PLCG2: variants seen among roughly 807,000 people sequenced by gnomAD.
PLCG2 encodes phospholipase C gamma 2.
PLCG2 carries 69 observed loss-of-function variants against 175.6 expected under a neutral mutation model. That is an observed-to-expected ratio of 0.39 (90% CI 0.32 to 0.48). The LOEUF (loss-of-function observed/expected upper bound fraction) is 0.48, where lower values mean the gene tolerates loss of function less well. PLCG2 is among the 20% of genes least tolerant of loss of function. The pLI is 0.91. For missense variants in PLCG2, 1,798 were observed against 1,650.9 expected, an observed-to-expected ratio of 1.09 and a Z score of -1.54; for synonymous variants, 827 against 624.0, an observed-to-expected ratio of 1.33 and a Z score of -4.85.
intron 2 of PLCG2, among the ~76,000 whole-genome samples, chr16:81,787,633 A>G (rs1911040118): frequency 6.6e-6 from 1 of 151,252 alleles, no homozygotes; most frequent in Non-Finnish European, 1.5e-5. Context: ...TGGTGGTTTT[A>G]GTATATTTAT....
At chr16:81,838,675 A>G (rs971458844) in intron 2 of PLCG2, among the ~76,000 whole-genome samples, 2 of 152,004 alleles carry the variant, frequency 1.3e-5, no homozygotes, top group Non-Finnish European at 2.9e-5. Flanking sequence ...TTTAAAACCT[A>G]GATGATGGGT....
Position 81,741,662 on chromosome 16 carries a change from G to T in PLCG2, c.-145+2277G>T, listed in dbSNP as rs145134016. ...CTGTCTCTACGAAAAATACAAAAATGAACTTGGTGTGGTGGTGCAAGCCTG... is the reference window on the plus strand; with the variant it reads ...CTGTCTCTACGAAAAATACAAAAATTAACTTGGTGTGGTGGTGCAAGCCTG... On this transcript the variant is annotated intron_variant, in intron 1 of 5. Transcript: ENST00000565054. Among the ~76,000 whole-genome samples, 1,116 of 152,174 alleles carry T rather than the reference G, an allele frequency of 7.3e-3. 11 individuals are homozygous for T. The highest frequency in any genetic ancestry group is 0.012 in the Non-Finnish European group (807 of 68,002).
chr16:81,869,173 A>T, intron 5 of PLCG2, 41 bp from the exon 6 acceptor site: 1 of 1,514,164 alleles, frequency 6.6e-7, no homozygotes, highest in Non-Finnish European at 9.2e-7. Flanking sequence ...GTGCTGTTGA[A>T]AACCCTCAAG....
intron 19 of PLCG2, among the ~76,000 whole-genome samples, chr16:81,913,555 A>G (rs920636377): frequency 2.8e-4 from 42 of 152,382 alleles, no homozygotes; most frequent in South Asian, 1.0e-3. Context: ...CTCTAGCCAG[A>G]GGCCTGGGGG....
At chr16:81,844,295 C>A (rs914143510) in intron 2 of PLCG2, among the ~76,000 whole-genome samples, 1 of 150,350 alleles carries the variant, frequency 6.7e-6, no homozygotes, top group African/African-American at 2.4e-5. Flanking sequence ...GCCCGGGCAC[C>A]TTTTCATTTT....
intron 1 of PLCG2, among the ~76,000 whole-genome samples, chr16:81,780,344 C>T (rs1472557786): frequency 6.6e-6 from 1 of 152,196 alleles, no homozygotes. Flanking sequence ...TATTGCTGTT[C>T]CACGAGGTTC....
chr16:81,812,461 C>T (rs78083744), intron 2 of PLCG2, among the ~76,000 whole-genome samples: 151,650 of 152,382 alleles, frequency 1, 75,462 homozygotes, highest in South Asian at 1. Flanking sequence ...TTTTTTCCTA[C>T]GTTTCTTGGC....
At chr16:81,780,511 C>G (rs1187287888) in intron 1 of PLCG2, among the ~76,000 whole-genome samples, 1 of 152,204 alleles carries the variant, frequency 6.6e-6, no homozygotes, top group Non-Finnish European at 1.5e-5. Context: ...AGCAGTTTCT[C>G]TTGCAAAGGT....
chr16:81,782,472 G>A (rs1378117328), intron 1 of PLCG2, among the ~76,000 whole-genome samples: 1 of 152,168 alleles, frequency 6.6e-6, no homozygotes, highest in Non-Finnish European at 1.5e-5. Flanking sequence ...TGGGCTCAAG[G>A]TCTTGGAGAC....
At chr16:81,818,601 C>T (rs1256460250) in intron 2 of PLCG2, among the ~76,000 whole-genome samples, 4 of 152,098 alleles carry the variant, frequency 2.6e-5, no homozygotes, top group Admixed American at 2.0e-4. Flanking sequence ...TTTCTGGAGG[C>T]TTCAGTGGCC....
chr16:81,833,166 A>G (rs1040551811), intron 2 of PLCG2, among the ~76,000 whole-genome samples: 3 of 152,192 alleles, frequency 2.0e-5, no homozygotes, highest in Non-Finnish European at 4.4e-5. Flanking sequence ...AGAAGAGCCC[A>G]CAGCATGAGG....
chr16:81,827,247 T>A (rs918150426), intron 2 of PLCG2, among the ~76,000 whole-genome samples: 2 of 151,036 alleles, frequency 1.3e-5, no homozygotes, highest in Admixed American at 6.6e-5. Flanking sequence ...AGTGCAGTGG[T>A]GCCACTATCG....
chr16:81,878,987 A>G (rs62047364), intron 7 of PLCG2, among the ~76,000 whole-genome samples: 20,105 of 152,010 alleles, frequency 0.13, 1,458 homozygotes, highest in African/African-American at 0.16. Context: ...GAGTTGCAAG[A>G]CCTGGCAGAG....
At chr16:81,951,608 T>C (rs540268060) in intron 31 of PLCG2, among the ~76,000 whole-genome samples, 3 of 152,348 alleles carry the variant, frequency 2.0e-5, no homozygotes, top group South Asian at 2.1e-4. Flanking sequence ...TGGAGAAAGA[T>C]AGTACTCCTA....
upstream of PLCG2, among the ~76,000 whole-genome samples, chr16:81,776,989 A>T (rs183492110): frequency 0.012 from 1,758 of 152,336 alleles, 39 homozygotes; most frequent in African/African-American, 0.041. Flanking sequence ...GGTTAGCAAA[A>T]AATGAGCCAA....
chr16:81,912,799 G>A, intron 19 of PLCG2, 83 bp downstream of exon 19: 1 of 1,467,272 alleles, frequency 6.8e-7, no homozygotes, highest in Non-Finnish European at 9.0e-7. Flanking sequence ...AACTTCAGGT[G>A]GAGGCTCACC....
At chr16:81,784,388 A>G (rs1910877245) in intron 1 of PLCG2, among the ~76,000 whole-genome samples, 1 of 152,186 alleles carries the variant, frequency 6.6e-6, no homozygotes, top group Non-Finnish European at 1.5e-5. Context: ...CCTTGTGGGC[A>G]TTTAACCTCC....
chr16:81,813,216 T>C (rs1469431205), intron 2 of PLCG2, among the ~76,000 whole-genome samples: 2 of 152,250 alleles, frequency 1.3e-5, no homozygotes, highest in Non-Finnish European at 2.9e-5. Flanking sequence ...AGAAAGTCAA[T>C]GATAGCTTGA....
chr16:81,854,477 G>T lies in PLCG2; in HGVS notation c.227G>T (p.Gly76Val). 6.2e-7 allele frequency: 1 copy of T among 1,614,078 alleles called. No homozygotes were observed. Reference protein sequence around the residue: ...DIMEIKEIRPGKNSKDFERAK... With the variant: ...DIMEIKEIRPVKNSKDFERAK... ...ATGGAAATAAAAGAAATCCGCCCAG[G>T]GAAGAACTCCAAAGATTTCGAGCGA... The change falls in exon 3 of 33, where the codon GGG becomes GTG. Residue 76 changes from glycine to valine, a missense_variant. Gly to Val is a moderately radical substitution (Grantham distance 109). Transcript: ENST00000564138.
Sources: gnomAD v4.1 joint callset for allele counts (sites outside exome capture counted in the v4.1 genomes callset) on GRCh38, gnomAD v4.1.1 for gene constraint, MANE v1.5 for transcripts, NCBI Gene and HGNC (gene_info 2026-07-23, HGNC 2026-07-21) for gene names.